Variants in CNTN3 observed in about 807,000 individuals in gnomAD.
CNTN3 encodes contactin-3.
A neutral mutation model predicts 119.1 loss-of-function variants in CNTN3; 60 were observed. That is an observed-to-expected ratio of 0.50 (90% CI 0.41 to 0.62). The LOEUF (loss-of-function observed/expected upper bound fraction) is 0.62. Ranked by LOEUF, CNTN3 falls within the 20% of genes least tolerant of loss-of-function variation. The probability of loss-of-function intolerance (pLI) is 0.00; values close to 1 mark genes in which losing one functional copy is unlikely to be tolerated. For synonymous variants in CNTN3, 450 were observed against 438.7 expected (o/e 1.03, Z -0.32); for missense variants, 1,101 against 1,242.4 (o/e 0.89, Z 1.71).
intron 1 of CNTN3, among the ~76,000 whole-genome samples, chr3:74,551,754 C>CT (rs776621925): frequency 0.013 from 761 of 60,198 alleles, 163 homozygotes; most frequent in African/African-American, 0.022. Flanking sequence ...TCTTCTTCTT[C>CT]TTTTTTTTTT....
intron 2 of CNTN3, among the ~76,000 whole-genome samples, chr3:74,510,797 C>A (rs1342018925): frequency 6.6e-6 from 1 of 152,052 alleles, no homozygotes; most frequent in Non-Finnish European, 1.5e-5. Context: ...AACAAGTAAT[C>A]AACAAGCAAT....
rs1169341431 is a variant in CNTN3 at position 74,288,156 on chromosome 3, TTTC to T, written c.2518-2668_2518-2666del. ...TGACATCTTTTTTCTTTTCTTTTCT[TTTC>T]TTTTTTTTTTTTTTTTTGAGACAGA... is the stretch of plus-strand genomic sequence containing the variant. On this transcript the variant is annotated intron_variant, in intron 19 of 22. Coordinates refer to ENST00000263665, the MANE Select transcript of CNTN3 (RefSeq NM_020872.3). 1.6e-4 allele frequency among the ~76,000 whole-genome samples: 20 copies of T among 128,970 alleles called. 2 individuals carry two copies. Among genetic ancestry groups the T allele is most frequent in the South Asian group, 4.8e-4 (2 of 4,154 alleles). The allele number at this position is 128,970 out of a possible 152,430, so 84.6% of individuals were successfully genotyped here.
At chr3:74,557,444 T>G (rs1189139107) in intron 1 of CNTN3, among the ~76,000 whole-genome samples, 1 of 152,160 alleles carries the variant, frequency 6.6e-6, no homozygotes, top group African/African-American at 2.4e-5. Flanking sequence ...GGCATCATCC[T>G]CCAGGACATC....
intron 4 of CNTN3, among the ~76,000 whole-genome samples, chr3:74,427,480 A>G (rs562245082): frequency 6.6e-6 from 1 of 152,342 alleles, no homozygotes; most frequent in South Asian, 2.1e-4. Context: ...ACTATGAGAA[A>G]AGAGTAGTGT....
chr3:74,285,500 C>T lies in CNTN3; in HGVS notation c.2518-9G>A, dbSNP rs747319993. On this transcript the variant is annotated splice_polypyrimidine_tract_variant and intron_variant, in intron 19 of 22. Coordinates refer to ENST00000263665, the MANE Select transcript of CNTN3 (RefSeq NM_020872.3). ...CCATTCCAGTACCGCACCTGGTGGG[C>T]GGAAGACACCAAACATGTGAAGGCT... The T allele has an allele frequency of 3.3e-5, 52 of 1,598,002 alleles. No homozygotes were observed. The highest frequency in any genetic ancestry group is 1.4e-4 in the East Asian group (6 of 44,368).
At position 74,556,235 on chromosome 3, in the gene CNTN3, ACTAT is replaced by A. The variant is rs776834086; in HGVS notation, c.-80-35047_-80-35044del. ...TGTTCAGAGTTGTGTCACCATCATC[ACTAT>A]CTAAGAACACTATCTAATTTTCATC... On this transcript the variant is annotated intron_variant, in intron 1 of 22. Transcript: ENST00000263665. Among the ~76,000 whole-genome samples, 11 of 152,158 alleles carry A rather than the reference ACTAT, an allele frequency of 7.2e-5. No homozygotes were observed. In the East Asian group the frequency reaches 2.1e-3, roughly 29 times the overall value.
At chr3:74,326,814 A>C (rs1454870863) in intron 13 of CNTN3, among the ~76,000 whole-genome samples, 1 of 151,966 alleles carries the variant, frequency 6.6e-6, no homozygotes, top group African/African-American at 2.4e-5. Flanking sequence ...TTCATACTTT[A>C]TTGCATTGAC....
At chr3:74,268,329 C>T (rs114227995) in intron 20 of CNTN3, among the ~76,000 whole-genome samples, 2,065 of 152,252 alleles carry the variant, frequency 0.014, 49 homozygotes, top group African/African-American at 0.048. Flanking sequence ...ACAACAGCAT[C>T]ACAATTGCCC....
At chr3:74,563,714 C>T (rs775667757) in intron 1 of CNTN3, among the ~76,000 whole-genome samples, 5 of 152,128 alleles carry the variant, frequency 3.3e-5, no homozygotes, top group Non-Finnish European at 5.9e-5. Flanking sequence ...GACACACAGA[C>T]TGACAGAATT....
At chr3:74,415,889 C>G (rs1400507898) in intron 5 of CNTN3, among the ~76,000 whole-genome samples, 1 of 152,176 alleles carries the variant, frequency 6.6e-6, no homozygotes, top group Non-Finnish European at 1.5e-5. Context: ...GGTCAAATAT[C>G]AAACTCCCAG....
chr3:74,451,996 A>C (rs1168879817), intron 4 of CNTN3, among the ~76,000 whole-genome samples: 1 of 136,398 alleles, frequency 7.3e-6, no homozygotes, highest in East Asian at 2.2e-4. Flanking sequence ...TTGGCGATGC[A>C]GGCTCTTTTT....
intron 4 of CNTN3, among the ~76,000 whole-genome samples, chr3:74,450,062 A>T (rs1702120019): frequency 6.6e-6 from 1 of 152,130 alleles, no homozygotes; most frequent in African/African-American, 2.4e-5. Context: ...TTACCTAAGA[A>T]ACAAGAATTG....
intron 1 of CNTN3, among the ~76,000 whole-genome samples, chr3:74,547,525 G>A (rs1703932598): frequency 6.6e-6 from 1 of 152,130 alleles, no homozygotes; most frequent in African/African-American, 2.4e-5. Context: ...GCAAACAAAT[G>A]TTATCACTTT....
intron 1 of CNTN3, among the ~76,000 whole-genome samples, chr3:74,528,925 T>TC (rs1284262855): frequency 6.6e-6 from 1 of 151,872 alleles, no homozygotes; most frequent in Non-Finnish European, 1.5e-5. Flanking sequence ...AGCAACTCTC[T>TC]TTGGGATGAA....
intron 1 of CNTN3, among the ~76,000 whole-genome samples, chr3:74,574,921 TTTTC>T (rs1483241950): frequency 8.4e-6 from 1 of 118,508 alleles, no homozygotes; most frequent in African/African-American, 4.0e-5. Flanking sequence ...CCCAGAAGCA[TTTTC>T]TTTTTTTTTT....
intron 1 of CNTN3, among the ~76,000 whole-genome samples, chr3:74,601,308 A>G (rs1230752080): frequency 6.6e-6 from 1 of 152,054 alleles, no homozygotes; most frequent in African/African-American, 2.4e-5. Flanking sequence ...ATCAAGTGGC[A>G]GACAGAGATT....
intron 1 of CNTN3, among the ~76,000 whole-genome samples, chr3:74,582,542 C>T (rs1559666897): frequency 6.6e-6 from 1 of 152,088 alleles, no homozygotes; most frequent in African/African-American, 2.4e-5. Context: ...AATACTTCAA[C>T]AAACACTTCC....
rs1220037086 is a variant in CNTN3, at chr3:74,265,959, T to C, written c.2986+522A>G. ...TAAACATATAATTTCTATAGTAAAA[T>C]AGGTTTTACTTGGATTTGGAGAGGA... is the stretch of plus-strand genomic sequence containing the variant. On this transcript the variant is annotated intron_variant, in intron 22 of 22. Transcript: ENST00000263665. 2.0e-5 allele frequency among the ~76,000 whole-genome samples: 3 copies of C among 152,120 alleles called. No individual in the cohort carries two copies. The South Asian group carries it at 6.2e-4, about 31-fold the overall frequency.
At chr3:74,403,393 G>A (rs1575691825) in intron 5 of CNTN3, among the ~76,000 whole-genome samples, 3 of 152,266 alleles carry the variant, frequency 2.0e-5, no homozygotes, top group East Asian at 3.9e-4. Flanking sequence ...GCAACTTTGG[G>A]AGTTAGGAGG....
Sources: gnomAD v4.1 joint callset for allele counts (sites outside exome capture counted in the v4.1 genomes callset) on GRCh38, gnomAD v4.1.1 for gene constraint, MANE v1.5 for transcripts, NCBI Gene and HGNC (gene_info 2026-07-23, HGNC 2026-07-21) for gene names.